The following CYP19A1 variants were observed in gnomAD, a reference collection of about 807,000 sequenced individuals.
CYP19A1 encodes the protein cytochrome P450 family 19 subfamily A member 1.
A neutral mutation model predicts 44.4 loss-of-function variants in CYP19A1; 32 were observed. That is an observed-to-expected ratio of 0.72 (90% CI 0.54 to 0.97). The LOEUF (loss-of-function observed/expected upper bound fraction) is 0.97. CYP19A1 is among the 50% of genes least tolerant of loss of function. The probability of loss-of-function intolerance (pLI) is 0.00; values close to 1 mark genes in which losing one functional copy is unlikely to be tolerated. For missense variants in CYP19A1, 598 were observed against 637.8 expected (o/e 0.94, Z 0.67); for synonymous variants, 212 against 215.6 (o/e 0.98, Z 0.14).
At chr15:51,260,618 C>T (rs550814104) in intron 1 of CYP19A1, among the ~76,000 whole-genome samples, 17 of 152,250 alleles carry the variant, frequency 1.1e-4, no homozygotes, top group Admixed American at 6.5e-4. Flanking sequence ...TTTCCTAGGC[C>T]GACTAAGAAT....
chr15:51,215,698 A>C lies in CYP19A1; in HGVS notation c.858+5T>G. 6.2e-7 allele frequency: 1 copy of C among 1,614,010 alleles called. No individual in the cohort carries two copies. The highest frequency in any genetic ancestry group is 8.5e-7 in the Non-Finnish European group (1 of 1,179,962). On this transcript the variant is annotated splice_donor_5th_base_variant and intron_variant, in intron 7 of 9. Transcript: ENST00000396402. ...ATGGGAATTACAGTTAGTTCAGGTC[A>C]GTACCTCTGCTAAAATCAACTCAGT...
intron 1 of CYP19A1, among the ~76,000 whole-genome samples, chr15:51,289,826 G>A (rs1159113631): frequency 2.0e-5 from 3 of 152,204 alleles, no homozygotes; most frequent in African/African-American, 7.2e-5. Context: ...GGGATAGAGA[G>A]GGAGGGGCTG....
chr15:51,328,655 C>T (rs2036652340), intron 1 of CYP19A1, among the ~76,000 whole-genome samples: 1 of 151,986 alleles, frequency 6.6e-6, no homozygotes, highest in South Asian at 2.1e-4. Flanking sequence ...CCCTATTGCT[C>T]CCTGTGATGG....
At chr15:51,220,982 T>C (rs1269629127) in intron 5 of CYP19A1, among the ~76,000 whole-genome samples, 2 of 151,974 alleles carry the variant, frequency 1.3e-5, no homozygotes, top group Admixed American at 6.6e-5. Context: ...CATGTTTTTT[T>C]TTTTTCATCA....
chr15:51,276,188 C>G (rs1346130379), intron 1 of CYP19A1, among the ~76,000 whole-genome samples: 2 of 152,138 alleles, frequency 1.3e-5, no homozygotes, highest in African/African-American at 2.4e-5. Context: ...AATGATTTGG[C>G]TTAGTCTATA....
chr15:51,306,299 T>A (rs1298749688), intron 1 of CYP19A1, among the ~76,000 whole-genome samples: 1 of 152,194 alleles, frequency 6.6e-6, no homozygotes, highest in Non-Finnish European at 1.5e-5. Flanking sequence ...ATTGGAGAAA[T>A]AAAAGCACAG....
chr15:51,310,278 G>GA (rs1566921884), intron 1 of CYP19A1, among the ~76,000 whole-genome samples: 1 of 152,092 alleles, frequency 6.6e-6, no homozygotes, highest in African/African-American at 2.4e-5. Context: ...GCTAGATTGC[G>GA]AAAAGAAGTC....
chr15:51,289,904 T>G (rs2035803787), intron 1 of CYP19A1, among the ~76,000 whole-genome samples: 1 of 152,186 alleles, frequency 6.6e-6, no homozygotes, highest in African/African-American at 2.4e-5. Context: ...CAGCAGAGGC[T>G]GGTGAGGGCC....
chr15:51,296,085 G>A (rs536353282), intron 1 of CYP19A1, among the ~76,000 whole-genome samples: 1 of 152,060 alleles, frequency 6.6e-6, no homozygotes, highest in South Asian at 2.1e-4. Context: ...AGAGAGGCTG[G>A]GGCCTGGGAA....
chr15:51,226,774 G>A (rs1394311160), intron 4 of CYP19A1, among the ~76,000 whole-genome samples: 2 of 151,874 alleles, frequency 1.3e-5, no homozygotes, highest in Non-Finnish European at 2.9e-5. Flanking sequence ...TTCATTTCCA[G>A]CATGATGAGG....
chr15:51,246,251 C>T (rs529498289), intron 1 of CYP19A1, among the ~76,000 whole-genome samples: 20 of 152,222 alleles, frequency 1.3e-4, no homozygotes, highest in South Asian at 8.3e-4. Context: ...GCCAGTAATA[C>T]CCTCCCCTCA....
rs550332280 is a variant in CYP19A1 at position 51,247,178 on chromosome 15, C to A, written c.-38-4228G>T. On this transcript the variant is annotated intron_variant, in intron 1 of 9. Transcript: ENST00000396402. The stretch of plus-strand genomic sequence containing the variant: ...AGCTGTTCTTATTCCTCCGTCAGCC[C>A]CCATGCCCATGAGAGATCATGAGCA... Among the ~76,000 whole-genome samples, 15 of 152,246 alleles carry A rather than the reference C, an allele frequency of 9.9e-5. No homozygotes were observed. The South Asian group carries it at 1.0e-3, about 11-fold the overall frequency.
intron 9 of CYP19A1, 93 bp from the exon 10 acceptor site, chr15:51,211,149 A>G (rs2030936254): frequency 5.8e-6 from 5 of 862,098 alleles, no homozygotes. Flanking sequence ...GTCAGTCAGA[A>G]CACTGTTTTG....
At chr15:51,217,877 G>T (rs1283857770) in intron 6 of CYP19A1, among the ~76,000 whole-genome samples, 1 of 152,122 alleles carries the variant, frequency 6.6e-6, no homozygotes, top group African/African-American at 2.4e-5. Flanking sequence ...CTTTCCACTG[G>T]TGGTTAGAGG....
rs931784038 is a variant in CYP19A1, at chr15:51,210,569, A to G, written c.*239T>C. 5 of 658,820 alleles carry G rather than the reference A, an allele frequency of 7.6e-6. No homozygotes were observed. The African/African-American group carries it at 8.9e-5, about 12-fold the overall frequency. The allele number at this position is 658,820 out of a possible 1,614,324, so 40.8% of individuals were successfully genotyped here. A position where few individuals can be genotyped will look rare whatever the true frequency, so the allele number is the denominator to read the frequency against. ...CTTTATGGATACGGTTTCTTCACCG[A>G]CTATTTCTCCCTCAAACTCTTGGCC... On this transcript the variant is annotated 3_prime_UTR_variant, in exon 10 of 10. Transcript: ENST00000396402.
At chr15:51,331,620 G>A (rs867746013) in intron 1 of CYP19A1, among the ~76,000 whole-genome samples, 7 of 151,852 alleles carry the variant, frequency 4.6e-5, no homozygotes, top group African/African-American at 7.3e-5. Context: ...GAATGGGGGC[G>A]AGTTCAGGGG....
At chr15:51,334,975 G>C (rs1021144181) in intron 1 of CYP19A1, among the ~76,000 whole-genome samples, 1 of 152,210 alleles carries the variant, frequency 6.6e-6, no homozygotes, top group African/African-American at 2.4e-5. Flanking sequence ...GAGCTTCCCA[G>C]TGGGTTGGCT....
In CYP19A1 at chr15:51,227,886, C is replaced by A; in HGVS notation, c.344G>T (p.Arg115Leu). Reference protein sequence around the residue: ...HIMKHNHYSSRFGSKLGLQCI... With the variant: ...HIMKHNHYSSLFGSKLGLQCI... The stretch of plus-strand genomic sequence containing the variant: ...CTGCAGCCCAAGTTTGCTGCCGAAT[C>A]GAGAGCTGTAATGATTGTGCTTCAT... The change falls in exon 4 of 10, where the codon CGA (arginine) becomes CTA (leucine). Residue 115 changes from arginine to leucine, a missense_variant. Transcript: ENST00000396402. 1.3e-6 allele frequency: 2 copies of A among 1,584,166 alleles called. No individual in the cohort carries two copies. The highest frequency in any genetic ancestry group is 1.7e-6 in the Non-Finnish European group (2 of 1,152,816).
intron 1 of CYP19A1, among the ~76,000 whole-genome samples, chr15:51,287,103 T>A (rs1289023293): frequency 6.6e-6 from 1 of 152,178 alleles, no homozygotes. Context: ...TGACAGCTAG[T>A]GCACATAGTG....
Sources: gnomAD v4.1 joint callset for allele counts (sites outside exome capture counted in the v4.1 genomes callset) on GRCh38, gnomAD v4.1.1 for gene constraint, MANE v1.5 for transcripts, NCBI Gene and HGNC (gene_info 2026-07-23, HGNC 2026-07-21) for gene names.